RCAN2: variants seen among roughly 807,000 people sequenced by gnomAD.
RCAN2 encodes the protein regulator of calcineurin 2, also known as calcipressin-2.
A neutral mutation model predicts 23.6 loss-of-function variants in RCAN2; 9 were observed. That is an observed-to-expected ratio of 0.38 (90% CI 0.23 to 0.67). The LOEUF (loss-of-function observed/expected upper bound fraction) is 0.67, where lower values mean the gene tolerates loss of function less well. Among genes scored for constraint, RCAN2 ranks in the 30% least tolerant of loss-of-function variants. The pLI is 0.51. For missense variants in RCAN2, 273 were observed against 302.3 expected (o/e 0.90, Z 0.72); for synonymous variants, 109 against 115.7 (o/e 0.94, Z 0.37).
chr6:46,266,914 A>C (rs993588027), intron 2 of RCAN2, among the ~76,000 whole-genome samples: 1 of 144,336 alleles, frequency 6.9e-6, no homozygotes, highest in Non-Finnish European at 1.5e-5. Flanking sequence ...ATGTAGGCAC[A>C]CACAAAACCC....
chr6:46,316,850 T>C (rs551470707), intron 2 of RCAN2, among the ~76,000 whole-genome samples: 27 of 152,334 alleles, frequency 1.8e-4, no homozygotes, highest in African/African-American at 6.5e-4. Flanking sequence ...TCAATTCTAT[T>C]AGATGCACTG....
chr6:46,304,339 T>C (rs1055450683), intron 2 of RCAN2, among the ~76,000 whole-genome samples: 7 of 152,170 alleles, frequency 4.6e-5, no homozygotes, highest in Non-Finnish European at 7.4e-5. Flanking sequence ...GTCAGATACA[T>C]GTATTACAAA....
intron 2 of RCAN2, among the ~76,000 whole-genome samples, chr6:46,314,359 C>CAAAAAAA (rs537111154): frequency 1.1e-5 from 1 of 92,218 alleles, no homozygotes; most frequent in African/African-American, 3.9e-5. Context: ...GAGACTCTGT[C>CAAAAAAA]AAAAAAAAAA....
intron 2 of RCAN2, among the ~76,000 whole-genome samples, chr6:46,438,133 G>A (rs1384134045): frequency 6.6e-6 from 1 of 152,118 alleles, no homozygotes; most frequent in African/African-American, 2.4e-5. Flanking sequence ...TGTGTGACAG[G>A]ACAACAATGC....
At chr6:46,386,298 C>G (rs555196995) in intron 2 of RCAN2, among the ~76,000 whole-genome samples, 72 of 152,008 alleles carry the variant, frequency 4.7e-4, no homozygotes, top group African/African-American at 1.7e-3. Flanking sequence ...TAGAGAAATG[C>G]AAATCAAAAC....
At chr6:46,489,032 G>C (rs990365642) in intron 1 of RCAN2, among the ~76,000 whole-genome samples, 2 of 152,150 alleles carry the variant, frequency 1.3e-5, no homozygotes, top group African/African-American at 4.8e-5. Context: ...CTCCTCCTTA[G>C]CAGGGTATAT....
intron 2 of RCAN2, among the ~76,000 whole-genome samples, chr6:46,362,398 C>T (rs1312613000): frequency 6.6e-6 from 1 of 151,892 alleles, no homozygotes; most frequent in East Asian, 1.9e-4. Context: ...AAGGATATAA[C>T]ATATTATATA....
intron 2 of RCAN2, among the ~76,000 whole-genome samples, chr6:46,428,895 C>T (rs1347624838): frequency 2.0e-5 from 3 of 152,148 alleles, no homozygotes; most frequent in Non-Finnish European, 4.4e-5. Flanking sequence ...TCTCTTCTAC[C>T]ATGGTTTATA....
chr6:46,281,168 G>C (rs939731455), intron 2 of RCAN2, among the ~76,000 whole-genome samples: 4 of 152,140 alleles, frequency 2.6e-5, no homozygotes, highest in African/African-American at 9.7e-5. Flanking sequence ...AGCTACCTAG[G>C]AATGGCAGTA....
At chr6:46,490,411 G>A (rs1464958999) in intron 1 of RCAN2, among the ~76,000 whole-genome samples, 1 of 152,178 alleles carries the variant, frequency 6.6e-6, no homozygotes, top group Non-Finnish European at 1.5e-5. Context: ...AATTCATTTT[G>A]GGATAAGAAA....
chr6:46,277,480 G>A (rs1767754204), intron 2 of RCAN2, among the ~76,000 whole-genome samples: 1 of 151,918 alleles, frequency 6.6e-6, no homozygotes, highest in South Asian at 2.1e-4. Context: ...TGGGGTGGGT[G>A]GTTGCCCTAT....
intron 2 of RCAN2, among the ~76,000 whole-genome samples, chr6:46,354,186 T>C (rs574666030): frequency 1.3e-5 from 2 of 151,106 alleles, no homozygotes; most frequent in East Asian, 2.0e-4. Context: ...CATGTACATG[T>C]GTATGGTGTG....
At chr6:46,316,440 C>T (rs941192798) in intron 2 of RCAN2, among the ~76,000 whole-genome samples, 1 of 152,192 alleles carries the variant, frequency 6.6e-6, no homozygotes, top group Admixed American at 6.5e-5. Flanking sequence ...AGAGAGTTCT[C>T]TCCAGGATGT....
chr6:46,288,812 T>A (rs987726429), intron 2 of RCAN2, among the ~76,000 whole-genome samples: 4 of 152,278 alleles, frequency 2.6e-5, no homozygotes, highest in Non-Finnish European at 4.4e-5. Flanking sequence ...TTGATGCCTG[T>A]CAACTTGCTA....
chr6:46,406,116 C>T (rs1349437944), intron 2 of RCAN2, among the ~76,000 whole-genome samples: 6 of 152,198 alleles, frequency 3.9e-5, no homozygotes, highest in South Asian at 2.1e-4. Context: ...GCAAGCGCTG[C>T]GCGCAGCCCC....
At chr6:46,322,168 G>C (rs1206154016) in intron 2 of RCAN2, among the ~76,000 whole-genome samples, 1 of 152,190 alleles carries the variant, frequency 6.6e-6, no homozygotes, top group African/African-American at 2.4e-5. Context: ...CCAAGGGTTT[G>C]GCTCTTTGTG....
chr6:46,280,411 C>T lies in RCAN2; in HGVS notation c.226-31515G>A, dbSNP rs549971613. 7.9e-5 allele frequency among the ~76,000 whole-genome samples: 12 copies of T among 151,858 alleles called. No individual in the cohort carries two copies. The South Asian group carries it at 1.5e-3, about 18-fold the overall frequency. Reference sequence around the variant, plus strand: ...ACCTTTGCAAGATGTCAACCCTTAACGGTTAAAAGGATCTTTGCTGAAAAC... The same window carrying T: ...ACCTTTGCAAGATGTCAACCCTTAATGGTTAAAAGGATCTTTGCTGAAAAC... On this transcript the variant is annotated intron_variant, in intron 2 of 4. Transcript: ENST00000371374.
chr6:46,297,415 A>G (rs1762758017), intron 2 of RCAN2, among the ~76,000 whole-genome samples: 1 of 152,100 alleles, frequency 6.6e-6, no homozygotes, highest in South Asian at 2.1e-4. Context: ...CTTTTCCTGA[A>G]CCTCCAGAGG....
chr6:46,479,547 C>T (rs1294422000), intron 1 of RCAN2, among the ~76,000 whole-genome samples: 1 of 150,134 alleles, frequency 6.7e-6, no homozygotes, highest in Non-Finnish European at 1.5e-5. Context: ...ATTCAGAATG[C>T]TCCCACTACC....
Sources: gnomAD v4.1 joint callset for allele counts (sites outside exome capture counted in the v4.1 genomes callset) on GRCh38, gnomAD v4.1.1 for gene constraint, MANE v1.5 for transcripts, NCBI Gene and HGNC (gene_info 2026-07-23, HGNC 2026-07-21) for gene names.